PFKFB4: variants seen among roughly 807,000 people sequenced by gnomAD.
The protein encoded by PFKFB4 is 6-phosphofructo-2-kinase/fructose-2,6-biphosphatase 4.
PFKFB4 carries 42 observed loss-of-function variants against 62.8 expected under a neutral mutation model. The ratio of observed to expected loss-of-function variants is 0.67; its 90% CI spans 0.52 to 0.86. The LOEUF is 0.86. PFKFB4 is among the 40% of genes least tolerant of loss of function. PFKFB4 has a pLI of 0.00. For synonymous variants in PFKFB4, 204 were observed against 240.7 expected (o/e 0.85, Z 1.41); for missense variants, 475 against 627.2 (o/e 0.76, Z 2.59).
chr3:48,528,474 C>T (rs996703247), intron 9 of PFKFB4, among the ~76,000 whole-genome samples: 48 of 152,088 alleles, frequency 3.2e-4, no homozygotes, highest in Non-Finnish European at 5.4e-4. Flanking sequence ...CCAGCCTGGG[C>T]AACATGATGA....
chr3:48,558,723 A>G (rs1299928679), upstream of PFKFB4, among the ~76,000 whole-genome samples: 1 of 152,050 alleles, frequency 6.6e-6, no homozygotes, highest in African/African-American at 2.4e-5. Context: ...CTCCTTCCTC[A>G]TCCTCCTTTT....
At chr3:48,556,874 T>A, upstream of PFKFB4, 1 of 1,467,668 alleles carries the variant, frequency 6.8e-7, no homozygotes, top group South Asian at 1.3e-5. The surrounding 1 kb of genome is among the most constrained non-coding windows in gnomAD (Gnocchi z 5.7). Context: ...CCGCCCCTCC[T>A]CAAGCCGCGA....
chr3:48,559,681 T>A (rs1057360159), upstream of PFKFB4: 3 of 444,588 alleles, frequency 6.7e-6, no homozygotes, highest in Non-Finnish European at 1.4e-5. Flanking sequence ...CTGGGATGTC[T>A]GTACACACGT....
At chr3:48,550,049 A>G (rs761566189) in intron 2 of PFKFB4, 69 bp downstream of exon 2, 77 of 1,360,832 alleles carry the variant, frequency 5.7e-5, no homozygotes, top group Non-Finnish European at 7.5e-5. Flanking sequence ...ATAATAGAGA[A>G]TAGGCCTTCT....
At position 48,539,254 on chromosome 3, in the gene PFKFB4, C is replaced by T; in HGVS notation, c.510G>A (p.Val170=). 1 of 1,612,772 alleles carries T rather than the reference C, an allele frequency of 6.2e-7. No individual in the cohort carries two copies. Among genetic ancestry groups the T allele is most frequent in the Non-Finnish European group, 8.5e-7 (1 of 1,178,882 alleles). Residue 170 remains valine, a splice_region_variant and synonymous_variant, in exon 6 of 14, where the codon GTG becomes GTA. Transcript: ENST00000232375. Reference sequence around the variant, plus strand: ...TGACAAGGTCAGATGCACTACTCACCACGATGTTGGCAGCTATGACCTCAG... The same window carrying T: ...TGACAAGGTCAGATGCACTACTCACTACGATGTTGGCAGCTATGACCTCAG... ...VDPEVIAANI[V]QVKLGSPDYV... is the part of the protein sequence containing the mutation.
Position 48,539,268 on chromosome 3 carries a change from C to T in PFKFB4, c.496G>A (p.Ala166Thr). 1.2e-6 allele frequency: 2 copies of T among 1,613,550 alleles called. No homozygotes were observed. The highest frequency in any genetic ancestry group is 1.7e-6 in the Non-Finnish European group (2 of 1,179,604). ...GCACTACTCACCACGATGTTGGCAG[C>T]TATGACCTCAGGATCCACACAGATG... ...ESICVDPEVI[A>T]ANIVQVKLGS... The change falls in exon 6 of 14, where the codon GCT (alanine) becomes ACT (threonine). Residue 166 changes from alanine (A) to threonine (T), a missense_variant. Physicochemically the swap from Ala to Thr is moderately conservative, Grantham distance 58 (BLOSUM62 0). Transcript: ENST00000232375.
upstream of PFKFB4, among the ~76,000 whole-genome samples, chr3:48,559,178 T>C (rs1013850414): frequency 6.6e-6 from 1 of 152,190 alleles, no homozygotes; most frequent in Admixed American, 6.5e-5. Flanking sequence ...GCAACAGCTC[T>C]GCACCTTCCT....
At chr3:48,520,368 G>A (rs759236346) in intron 13 of PFKFB4, among the ~76,000 whole-genome samples, 17 of 152,136 alleles carry the variant, frequency 1.1e-4, no homozygotes, top group Non-Finnish European at 1.6e-4. Flanking sequence ...TTGGCCTGTC[G>A]GGCTCAGGGA....
At chr3:48,544,555 T>C (rs1408078126) in intron 3 of PFKFB4, among the ~76,000 whole-genome samples, 2 of 151,072 alleles carry the variant, frequency 1.3e-5, no homozygotes, top group Non-Finnish European at 3.0e-5. Context: ...CAAGCAATCT[T>C]CCTGCCTCAG....
At chr3:48,533,059 G>C (rs2042476800) in intron 9 of PFKFB4, among the ~76,000 whole-genome samples, 1 of 152,172 alleles carries the variant, frequency 6.6e-6, no homozygotes, top group Non-Finnish European at 1.5e-5. Flanking sequence ...TTTTTTTAGA[G>C]ATGGGGTCTC....
intron 13 of PFKFB4, among the ~76,000 whole-genome samples, chr3:48,520,111 C>T (rs1014027557): frequency 1.3e-5 from 2 of 152,182 alleles, no homozygotes; most frequent in Admixed American, 6.5e-5. Flanking sequence ...AGGGCTGAGT[C>T]AATTGAGGAG....
rs141597967 is a variant in PFKFB4 at position 48,550,090 on chromosome 3, C to T, written c.214+28G>A. 1,080 of 1,527,934 alleles carry T rather than the reference C, an allele frequency of 7.1e-4. 7 individuals are homozygous for T. In the African/African-American group the frequency reaches 0.013, roughly 18 times the overall value. 94.6% of individuals were successfully genotyped at this position (1,527,934 alleles called of 1,614,324 possible). On this transcript the variant is annotated intron_variant, in intron 2 of 13. Transcript: ENST00000232375. ...CTCTTCGTCATGCCCCACAAAGCTC[C>T]CCTTAGACAGCTGGGGCCAAGCCTC...
intron 1 of PFKFB4, among the ~76,000 whole-genome samples, chr3:48,550,666 C>T (rs923780525): frequency 2.6e-5 from 4 of 152,222 alleles, no homozygotes; most frequent in Non-Finnish European, 5.9e-5. Context: ...ATCCATCACT[C>T]AGTGCTCCCA....
chr3:48,523,743 C>T lies in PFKFB4; in HGVS notation c.1180G>A (p.Val394Met). 6.2e-7 allele frequency: 1 copy of T among 1,614,220 alleles called. No homozygotes were observed. Among genetic ancestry groups the T allele is most frequent in the Non-Finnish European group, 8.5e-7 (1 of 1,180,044 alleles). Residue 394 changes from valine (V) to methionine (M), a missense_variant, in exon 11 of 14, where the codon GTG becomes ATG. Val to Met is a conservative substitution (Grantham distance 21). Transcript: ENST00000232375. ...ENVLVICHQA[V>M]MRCLLAYFLD... Reference sequence around the variant, plus strand: ...AAGTAGGCCAGCAGGCAGCGCATCACAGCCTGGTGGCAGATGACCAGCACA... The same window carrying T: ...AAGTAGGCCAGCAGGCAGCGCATCATAGCCTGGTGGCAGATGACCAGCACA...
In PFKFB4 at chr3:48,519,692, T is replaced by A. The variant is rs2042028931; in HGVS notation, c.*55A>T. ...ATCACACACACTGGAGGGCCTGGAA[T>A]GACCCCCTCTGCAGAGAGCAGTGCC... On this transcript the variant is annotated 3_prime_UTR_variant, in exon 14 of 14. Transcript: ENST00000232375. 3 of 1,303,188 alleles carry A rather than the reference T, an allele frequency of 2.3e-6. No individual in the cohort carries two copies. The highest frequency in any genetic ancestry group is 1.2e-5 in the South Asian group (1 of 84,756). 80.7% of individuals were successfully genotyped at this position (1,303,188 alleles called of 1,614,324 possible). A position where few individuals can be genotyped will look rare whatever the true frequency, so the allele number is the denominator to read the frequency against.
chr3:48,559,258 G>T (rs1170224624), upstream of PFKFB4, among the ~76,000 whole-genome samples: 2 of 152,246 alleles, frequency 1.3e-5, no homozygotes, highest in African/African-American at 4.8e-5. Context: ...CCAGCTGGAA[G>T]GCCACAGGTC....
chr3:48,532,236 G>A (rs2042452275), intron 9 of PFKFB4, among the ~76,000 whole-genome samples: 1 of 152,206 alleles, frequency 6.6e-6, no homozygotes, highest in Non-Finnish European at 1.5e-5. Context: ...CTTGAACCAG[G>A]GAGGTGGAGG....
intron 1 of PFKFB4, among the ~76,000 whole-genome samples, chr3:48,552,308 G>T (rs945723527): frequency 1.3e-5 from 2 of 152,254 alleles, no homozygotes; most frequent in African/African-American, 4.8e-5. Context: ...TGGGACTCAG[G>T]GCATGGAGGC....
At chr3:48,562,191 C>T (rs540346832), upstream of PFKFB4, 1 of 153,634 alleles carries the variant, frequency 6.5e-6, no homozygotes, top group East Asian at 1.9e-4. The surrounding 1 kb of genome is among the most constrained non-coding windows in gnomAD (Gnocchi z 4.3). Flanking sequence ...GCCTTTGTGC[C>T]TGGAGACACC....
Sources: allele counts gnomAD v4.1 joint callset (sites outside exome capture counted in the v4.1 genomes callset), GRCh38; gene constraint gnomAD v4.1.1; non-coding constraint Gnocchi (gnomAD v3.1); transcripts MANE v1.5; gene names NCBI Gene and HGNC (gene_info 2026-07-23, HGNC 2026-07-21).